Variants in NXPE2 observed in about 807,000 individuals in gnomAD.
The protein encoded by NXPE2 is NXPE family member 2.
A neutral mutation model predicts 34.4 loss-of-function variants in NXPE2; 34 were observed. The observed-to-expected ratio is 0.99, with a 90% CI of 0.75 to 1.31. The LOEUF (loss-of-function observed/expected upper bound fraction) is 1.31. NXPE2 is among the 40% of genes most tolerant of loss of function. NXPE2 has a pLI of 0.00. For synonymous variants in NXPE2, 235 were observed against 231.3 expected (o/e 1.02, Z -0.15); for missense variants, 649 against 672.5 (o/e 0.97, Z 0.39).
At chr11:114,522,025 G>A in the NXPE2 span, 3 of 1,613,794 alleles carry the variant, frequency 1.9e-6, no homozygotes, top group East Asian at 2.2e-5. Flanking sequence ...GATCAGGTGG[G>A]TGGATAGTGT....
the NXPE2 span, among the ~76,000 whole-genome samples, chr11:114,588,511 G>A: frequency 6.6e-6 from 1 of 152,074 alleles, no homozygotes; most frequent in African/African-American, 2.4e-5. Context: ...ATTCAAAGAT[G>A]AGCAATATGT....
At chr11:114,517,143 C>A in the NXPE2 span, among the ~76,000 whole-genome samples, 1 of 152,188 alleles carries the variant, frequency 6.6e-6, no homozygotes, top group Non-Finnish European at 1.5e-5. Flanking sequence ...CTTACAGCTG[C>A]TTCAATGTCT....
At chr11:114,600,752 A>G in the NXPE2 span, among the ~76,000 whole-genome samples, 2 of 152,102 alleles carry the variant, frequency 1.3e-5, no homozygotes, top group Admixed American at 6.6e-5. Context: ...TTACTAGTGT[A>G]CCAATGTTAA....
downstream of NXPE2, among the ~76,000 whole-genome samples, chr11:114,709,677 G>A (rs112786756): frequency 5.9e-5 from 9 of 152,240 alleles, no homozygotes; most frequent in South Asian, 2.1e-4. Flanking sequence ...GAGCCAAGGC[G>A]GGCGGATCAT....
chr11:114,532,695 C>A, the NXPE2 span, among the ~76,000 whole-genome samples: 1 of 152,006 alleles, frequency 6.6e-6, no homozygotes, highest in African/African-American at 2.4e-5. Context: ...CTTTTAAATT[C>A]TCTGTCTCTT....
At chr11:114,481,638 A>G in the NXPE2 span, among the ~76,000 whole-genome samples, 4 of 152,322 alleles carry the variant, frequency 2.6e-5, no homozygotes, top group African/African-American at 7.2e-5. Context: ...GTTAGAAGAC[A>G]TGTAATTTAA....
At chr11:114,784,281 C>A in the NXPE2 span, among the ~76,000 whole-genome samples, 1 of 152,170 alleles carries the variant, frequency 6.6e-6, no homozygotes, top group Admixed American at 6.5e-5. Flanking sequence ...GGGCTAATCC[C>A]GCAGCTCCCA....
At chr11:114,629,177 C>T in the NXPE2 span, among the ~76,000 whole-genome samples, 1 of 152,042 alleles carries the variant, frequency 6.6e-6, no homozygotes, top group Non-Finnish European at 1.5e-5. Flanking sequence ...TTTTATGAGG[C>T]CAGCATCATT....
the NXPE2 span, chr11:114,582,320 A>G: frequency 1.9e-6 from 3 of 1,594,208 alleles, no homozygotes; most frequent in Non-Finnish European, 2.6e-6. Flanking sequence ...GTTTGCTAAG[A>G]TAAGAAACTT....
the NXPE2 span, among the ~76,000 whole-genome samples, chr11:114,470,672 G>T: frequency 6.6e-6 from 1 of 151,606 alleles, no homozygotes; most frequent in Non-Finnish European, 1.5e-5. Context: ...TATTGTGGGG[G>T]CTGGCAAGTC....
At chr11:114,695,317 C>T (rs1951229401) in intron 2 of NXPE2, among the ~76,000 whole-genome samples, 1 of 152,156 alleles carries the variant, frequency 6.6e-6, no homozygotes, top group African/African-American at 2.4e-5. Context: ...TTCTGTAGTA[C>T]TGTGATTTAG....
At chr11:114,530,956 C>A in the NXPE2 span, 10 of 1,492,836 alleles carry the variant, frequency 6.7e-6, no homozygotes, top group South Asian at 1.4e-5. Flanking sequence ...CCTGTCTAAT[C>A]ATTTTTACTT....
the NXPE2 span, among the ~76,000 whole-genome samples, chr11:114,620,425 G>C: frequency 6.6e-6 from 1 of 152,054 alleles, no homozygotes; most frequent in South Asian, 2.1e-4. Context: ...GTTGAGTCAT[G>C]GGTAACCACT....
At chr11:114,475,238 T>TG in the NXPE2 span, among the ~76,000 whole-genome samples, 1 of 28,782 alleles carries the variant, frequency 3.5e-5, no homozygotes, top group East Asian at 1.1e-3. Flanking sequence ...TTTTTTTTTT[T>TG]TTTTTTTTTT....
At chr11:114,633,163 T>G in the NXPE2 span, among the ~76,000 whole-genome samples, 1 of 128,972 alleles carries the variant, frequency 7.8e-6, no homozygotes, top group African/African-American at 3.0e-5. Flanking sequence ...TGGTATTTTA[T>G]TTTATATAAT....
the NXPE2 span, among the ~76,000 whole-genome samples, chr11:114,562,128 A>T: frequency 6.6e-6 from 1 of 152,206 alleles, no homozygotes; most frequent in Non-Finnish European, 1.5e-5. Flanking sequence ...ATTGTGCTTT[A>T]TGCCTCTCTT....
chr11:114,812,084 G>A, the NXPE2 span, among the ~76,000 whole-genome samples: 1 of 152,204 alleles, frequency 6.6e-6, no homozygotes, highest in African/African-American at 2.4e-5. Flanking sequence ...CCAGATTAGC[G>A]TTGAGAGCAA....
At chr11:114,804,639 T>A in the NXPE2 span, among the ~76,000 whole-genome samples, 3 of 152,224 alleles carry the variant, frequency 2.0e-5, no homozygotes, top group South Asian at 4.1e-4. Flanking sequence ...TAGAGAGAAG[T>A]CTTCATTTTT....
chr11:114,625,518 A>T, the NXPE2 span, among the ~76,000 whole-genome samples: 1 of 152,150 alleles, frequency 6.6e-6, no homozygotes, highest in East Asian at 1.9e-4. Context: ...TACCAGGTGG[A>T]TAATAAGTAT....
Sources: allele counts gnomAD v4.1 joint callset (sites outside exome capture counted in the v4.1 genomes callset), GRCh38; gene constraint gnomAD v4.1.1; transcripts MANE v1.5; gene names NCBI Gene and HGNC (gene_info 2026-07-23, HGNC 2026-07-21).